Variants in LPA observed in about 807,000 individuals in gnomAD.
LPA encodes lipoprotein(a).
In LPA, 199 loss-of-function variants were observed where a neutral mutation model predicts 197.9. The ratio of observed to expected loss-of-function variants is 1.01; its 90% CI spans 0.90 to 1.13. LPA has a LOEUF of 1.13. Ranked by LOEUF, LPA falls within the 50% of genes most tolerant of loss-of-function variation. The pLI is 0.00. For synonymous variants in LPA, 715 were observed against 639.5 expected, an observed-to-expected ratio of 1.12 and a Z score of -1.78; for missense variants, 1,853 against 1,785.8, an observed-to-expected ratio of 1.04 and a Z score of -0.68.
At chr6:160,568,149 A>G (rs900454890) in intron 28 of LPA, among the ~76,000 whole-genome samples, 1 of 152,204 alleles carries the variant, frequency 6.6e-6, no homozygotes, top group Non-Finnish European at 1.5e-5. Flanking sequence ...TGAGGCCAGC[A>G]TCATCCTGAT....
At chr6:160,596,137 A>G (rs1023451888) in intron 20 of LPA, among the ~76,000 whole-genome samples, 2 of 152,126 alleles carry the variant, frequency 1.3e-5, no homozygotes, top group African/African-American at 4.8e-5. Context: ...TTGTTCTCAA[A>G]ATCTTCTTTT....
chr6:160,595,628 A>G (rs564875317), intron 20 of LPA, 93 bp from the exon 21 acceptor site: 4 of 1,573,024 alleles, frequency 2.5e-6, no homozygotes, highest in East Asian at 2.3e-5. Context: ...AAAGTGTAAA[A>G]AGAGACTTTG....
chr6:160,606,384 G>C, intron 17 of LPA, 93 bp downstream of exon 17: 2 of 1,524,754 alleles, frequency 1.3e-6, no homozygotes, highest in South Asian at 1.1e-5. Flanking sequence ...TCGAGCATCC[G>C]TTTACCATTG....
At position 160,606,511 on chromosome 6, in the gene LPA, G is replaced by A; in HGVS notation, c.2751C>T (p.Thr917=). The part of the protein sequence containing the change: ...EGTAVAPPTI[T]PIPSLEAPSE... The stretch of plus-strand genomic sequence containing the variant: ...AAGGAGCCTCTAGGCTTGGAATCGG[G>A]GTAATAGTTGGAGGCGCGACGGCAG... The change falls in exon 17 of 39, where the codon ACC becomes ACT. Residue 917 remains threonine, a synonymous_variant. Coordinates refer to ENST00000316300, the MANE Select transcript of LPA (RefSeq NM_005577.4). 6.2e-7 allele frequency: 1 copy of A among 1,613,574 alleles called. No homozygotes were observed. The highest frequency in any genetic ancestry group is 8.5e-7 in the Non-Finnish European group (1 of 1,179,896).
chr6:160,566,351 A>C (rs1002651242), intron 28 of LPA, among the ~76,000 whole-genome samples: 1 of 152,228 alleles, frequency 6.6e-6, no homozygotes, highest in African/African-American at 2.4e-5. Flanking sequence ...ATTCTTAAAG[A>C]AAAGAATTTT....
chr6:160,593,285 A>T (rs41272054), intron 22 of LPA, among the ~76,000 whole-genome samples: 2,604 of 152,240 alleles, frequency 0.017, 62 homozygotes, highest in African/African-American at 0.058. Flanking sequence ...CAGGCCTGTC[A>T]TGTCTGTTGT....
At chr6:160,562,330 C>T (rs12526589) in intron 28 of LPA, among the ~76,000 whole-genome samples, 15,229 of 152,110 alleles carry the variant, frequency 0.1, 975 homozygotes, top group Non-Finnish European at 0.15. Flanking sequence ...GATAATCATA[C>T]GGTTTTTGTC....
intron 16 of LPA, among the ~76,000 whole-genome samples, chr6:160,607,759 G>T (rs943417427): frequency 6.6e-6 from 1 of 152,044 alleles, no homozygotes; most frequent in African/African-American, 2.4e-5. Context: ...CCAGGAAGCT[G>T]GTTCAATGAG....
chr6:160,600,898 G>T lies in LPA; in HGVS notation c.3127+19C>A. 6.2e-7 allele frequency: 1 copy of T among 1,611,730 alleles called. No individual in the cohort carries two copies. The highest frequency in any genetic ancestry group is 1.7e-5 in the Admixed American group (1 of 60,008). ...CATCCCAGCATCCAAGCAGGTAAAT[G>T]TCTGGCACAACTTCTTACCTTGTTC... On this transcript the variant is annotated intron_variant, in intron 19 of 38. Transcript: ENST00000316300.
intron 31 of LPA, among the ~76,000 whole-genome samples, chr6:160,548,248 C>T (rs952065835): frequency 1.6e-4 from 24 of 152,138 alleles, no homozygotes; most frequent in African/African-American, 5.6e-4. Flanking sequence ...GGAGGTTTTG[C>T]GCCAGTCCTA....
intron 27 of LPA, 51 bp downstream of exon 27, chr6:160,578,472 T>C: frequency 1.2e-6 from 2 of 1,608,060 alleles, no homozygotes; most frequent in African/African-American, 1.3e-5. Context: ...CAGTAAGATT[T>C]TCCATGGTTT....
At chr6:160,594,753 C>T (rs371918741) in intron 21 of LPA, among the ~76,000 whole-genome samples, 8 of 152,112 alleles carry the variant, frequency 5.3e-5, no homozygotes, top group East Asian at 1.9e-4. Context: ...ATATATGTTC[C>T]ATGAGAAGGA....
chr6:160,652,585 T>C (rs545250033), intron 1 of LPA, among the ~76,000 whole-genome samples: 5 of 152,124 alleles, frequency 3.3e-5, no homozygotes, highest in African/African-American at 7.2e-5. Context: ...CAGATGGAAA[T>C]TGGGATCTAC....
intron 18 of LPA, among the ~76,000 whole-genome samples, chr6:160,604,027 A>G (rs112674811): frequency 4.6e-5 from 7 of 152,232 alleles, no homozygotes; most frequent in African/African-American, 1.7e-4. Flanking sequence ...CTCAGGATAT[A>G]TTCTTTTCTC....
intron 16 of LPA, among the ~76,000 whole-genome samples, chr6:160,607,904 C>T (rs1239240720): frequency 6.6e-6 from 1 of 152,096 alleles, no homozygotes; most frequent in Non-Finnish European, 1.5e-5. Context: ...CTAGGATTTG[C>T]AATATCTCCT....
At chr6:160,662,030 C>T (rs1016904927) in intron 1 of LPA, among the ~76,000 whole-genome samples, 1 of 152,174 alleles carries the variant, frequency 6.6e-6, no homozygotes, top group Non-Finnish European at 1.5e-5. Flanking sequence ...TAGAGCATCA[C>T]TGCTGAGATC....
rs186343904 is a variant in LPA, at chr6:160,662,267, C to T, written c.49+1899G>A. On this transcript the variant is annotated intron_variant, in intron 1 of 38. Coordinates refer to ENST00000316300, the MANE Select transcript of LPA (RefSeq NM_005577.4). ...GGCAAAATGTAGATGTATATTGCTA[C>T]TGAAGTAAATGTATTTTATTAATGG... Among the ~76,000 whole-genome samples, 331 of 152,278 alleles carry T rather than the reference C, an allele frequency of 2.2e-3. 2 individuals carry two copies. Among genetic ancestry groups the T allele is most frequent in the Non-Finnish European group, 3.5e-3 (236 of 68,032 alleles).
intron 21 of LPA, among the ~76,000 whole-genome samples, 187 bp from the exon 22 acceptor site, chr6:160,594,304 G>T (rs1583605259): frequency 6.6e-6 from 1 of 152,176 alleles, no homozygotes; most frequent in Non-Finnish European, 1.5e-5. Context: ...ACTTTAACGA[G>T]TTCTTAGAAA....
intron 28 of LPA, among the ~76,000 whole-genome samples, chr6:160,573,655 G>A (rs1460319768): frequency 6.6e-6 from 1 of 152,146 alleles, no homozygotes; most frequent in African/African-American, 2.4e-5. Context: ...CTATGGATGT[G>A]GCTTCCTGTG....
Sources: allele counts gnomAD v4.1 joint callset (sites outside exome capture counted in the v4.1 genomes callset), GRCh38; gene constraint gnomAD v4.1.1; transcripts MANE v1.5; gene names NCBI Gene and HGNC (gene_info 2026-07-23, HGNC 2026-07-21).